FERMT2: variants seen among roughly 807,000 people sequenced by gnomAD.
FERMT2 encodes the protein FERM domain containing kindlin 2.
In FERMT2, 15 loss-of-function variants were observed where a neutral mutation model predicts 82.7. The observed-to-expected ratio is 0.18, with a 90% CI of 0.12 to 0.28. FERMT2 has a LOEUF of 0.28. Among genes scored for constraint, FERMT2 ranks in the 10% least tolerant of loss-of-function variants. The pLI, the probability that FERMT2 is intolerant of heterozygous loss-of-function variation, is 1.00. For missense variants in FERMT2, 645 were observed against 809.4 expected, an observed-to-expected ratio of 0.80 and a Z score of 2.46; for synonymous variants, 274 against 271.5, an observed-to-expected ratio of 1.01 and a Z score of -0.09.
intron 10 of FERMT2, among the ~76,000 whole-genome samples, chr14:52,865,278 A>G (rs557092932): frequency 1.3e-5 from 2 of 152,250 alleles, no homozygotes; most frequent in Non-Finnish European, 2.9e-5. Flanking sequence ...CTGAGATCGC[A>G]CCGTTGCACT....
chr14:52,902,791 C>T (rs1353127884), intron 3 of FERMT2, among the ~76,000 whole-genome samples: 20 of 143,038 alleles, frequency 1.4e-4, no homozygotes, highest in African/African-American at 5.2e-4. Flanking sequence ...ATCACTTGAA[C>T]CCAGGAGGTG....
At chr14:52,910,941 AT>A (rs1888276208) in intron 3 of FERMT2, among the ~76,000 whole-genome samples, 1 of 152,218 alleles carries the variant, frequency 6.6e-6, no homozygotes, top group Non-Finnish European at 1.5e-5. Context: ...TTAAGGGGAA[AT>A]ATTTAATAAC....
At chr14:52,878,796 G>A in intron 6 of FERMT2, 107 bp from the exon 7 acceptor site, 3 of 552,146 alleles carry the variant, frequency 5.4e-6, no homozygotes, top group Admixed American at 3.9e-5. Flanking sequence ...TTTTTTCCTG[G>A]GATCTTAATT....
At chr14:52,911,101 G>A (rs1358094229) in intron 3 of FERMT2, among the ~76,000 whole-genome samples, 3 of 152,022 alleles carry the variant, frequency 2.0e-5, no homozygotes, top group African/African-American at 2.4e-5. Flanking sequence ...ATGTAATTCC[G>A]GGGTTGGCAA....
intron 3 of FERMT2, among the ~76,000 whole-genome samples, chr14:52,916,127 T>C (rs140542729): frequency 0.09 from 13,748 of 152,134 alleles, 749 homozygotes; most frequent in East Asian, 0.21. Flanking sequence ...GTGGATCGCC[T>C]GAGGTCAGGA....
At chr14:52,898,109 A>T (rs2139566106) in intron 3 of FERMT2, among the ~76,000 whole-genome samples, 1 of 152,274 alleles carries the variant, frequency 6.6e-6, no homozygotes, top group East Asian at 1.9e-4. Flanking sequence ...CTGAAAATGG[A>T]ATTAGCAGAA....
At chr14:52,876,583 G>C (rs1216377658) in intron 7 of FERMT2, among the ~76,000 whole-genome samples, 1 of 152,166 alleles carries the variant, frequency 6.6e-6, no homozygotes, top group Non-Finnish European at 1.5e-5. Flanking sequence ...GCTTTCAAAA[G>C]TGCAAGGGAT....
chr14:52,944,825 G>A (rs1171415477), intron 2 of FERMT2, among the ~76,000 whole-genome samples: 3 of 151,978 alleles, frequency 2.0e-5, no homozygotes, highest in Admixed American at 6.6e-5. Flanking sequence ...TTATTATATG[G>A]CAAGAACATG....
At chr14:52,866,188 G>A (rs1322618563) in intron 10 of FERMT2, among the ~76,000 whole-genome samples, 1 of 151,976 alleles carries the variant, frequency 6.6e-6, no homozygotes, top group Non-Finnish European at 1.5e-5. Context: ...ACTAGTGTAG[G>A]CTCAGAGGCC....
chr14:52,906,881 G>A (rs1888040133), intron 3 of FERMT2, among the ~76,000 whole-genome samples: 1 of 121,546 alleles, frequency 8.2e-6, no homozygotes, highest in Non-Finnish European at 1.6e-5. Flanking sequence ...AAAACATACA[G>A]AGGAACAATA....
intron 3 of FERMT2, among the ~76,000 whole-genome samples, chr14:52,905,188 C>CAAA (rs71125148): frequency 1.6e-5 from 2 of 126,798 alleles, no homozygotes; most frequent in Non-Finnish European, 3.2e-5. Flanking sequence ...GACTCCATCT[C>CAAA]AAAAAAAAAA....
At chr14:52,870,834 A>C (rs1005268437) in intron 10 of FERMT2, among the ~76,000 whole-genome samples, 1 of 152,250 alleles carries the variant, frequency 6.6e-6, no homozygotes, top group Non-Finnish European at 1.5e-5. Flanking sequence ...CAATTTAGGA[A>C]TATGAATCAG....
At chr14:52,949,462 G>A (rs1890513279) in intron 2 of FERMT2, among the ~76,000 whole-genome samples, 1 of 137,590 alleles carries the variant, frequency 7.3e-6, no homozygotes, top group Non-Finnish European at 1.5e-5. Flanking sequence ...AACAATTCCA[G>A]CCTAAAAAGA....
In FERMT2 at chr14:52,946,669, C is replaced by T. The variant is rs143009397; in HGVS notation, c.157+3743G>A. ...TTGCCTCAAACCAAACCAAACAGTA[C>T]TAAATTTTCACAATTCTTTTTTTTT... On this transcript the variant is annotated intron_variant, in intron 2 of 14. Transcript: ENST00000341590. Among the ~76,000 whole-genome samples the T allele has an allele frequency of 5.6e-3, 853 of 152,112 alleles. 6 individuals carry two copies. Among genetic ancestry groups the T allele is most frequent in the African/African-American group, 0.02 (835 of 41,512 alleles).
rs529592389 is a variant in FERMT2 at position 52,858,134 on chromosome 14, C to CTATT, written c.*239_*242dup. On this transcript the variant is annotated 3_prime_UTR_variant, in exon 15 of 15. Coordinates refer to ENST00000341590, the MANE Select transcript of FERMT2 (RefSeq NM_006832.3). ...TGATGGTTTGTTCCTGATTTGCCCA[C>CTATT]TATTTCAGTTTTCAATTCATGGCCC... The CTATT allele has an allele frequency of 2.2e-4, 98 of 449,694 alleles. No homozygotes were observed. The highest frequency in any genetic ancestry group is 1.7e-3 in the African/African-American group (85 of 51,342). The allele number at this position is 449,694 out of a possible 1,614,324, so 27.9% of individuals were successfully genotyped here.
intron 2 of FERMT2, among the ~76,000 whole-genome samples, chr14:52,945,190 CG>C (rs1890275472): frequency 1.3e-5 from 2 of 151,930 alleles, no homozygotes; most frequent in African/African-American, 4.8e-5. Flanking sequence ...GGATTACAGG[CG>C]TAAGTTACCG....
At chr14:52,945,485 C>CTCAGG (rs1324413824) in intron 2 of FERMT2, among the ~76,000 whole-genome samples, 1 of 151,964 alleles carries the variant, frequency 6.6e-6, no homozygotes, top group Non-Finnish European at 1.5e-5. Context: ...AACTCCTGAC[C>CTCAGG]TCAGGTGATC....
chr14:52,890,213 G>A (rs534540528), intron 4 of FERMT2, among the ~76,000 whole-genome samples: 4 of 151,362 alleles, frequency 2.6e-5, no homozygotes, highest in African/African-American at 4.9e-5. Flanking sequence ...CAGGTGGATC[G>A]ATCATGAGGT....
At chr14:52,897,351 G>A (rs1342414440) in intron 3 of FERMT2, among the ~76,000 whole-genome samples, 2 of 151,944 alleles carry the variant, frequency 1.3e-5, no homozygotes, top group Admixed American at 6.6e-5. Flanking sequence ...CTGGATTAAA[G>A]GTTATAATAA....
Sources: allele counts gnomAD v4.1 joint callset (sites outside exome capture counted in the v4.1 genomes callset), GRCh38; gene constraint gnomAD v4.1.1; transcripts MANE v1.5; gene names NCBI Gene and HGNC (gene_info 2026-07-23, HGNC 2026-07-21).